Variants in TAFA2 observed in about 807,000 individuals in gnomAD.
TAFA2 encodes TAFA chemokine like family member 2, also known as chemokine-like protein TAFA-2.
In TAFA2, 7 loss-of-function variants were observed where a neutral mutation model predicts 18.8. The ratio of observed to expected loss-of-function variants is 0.37; its 90% CI spans 0.21 to 0.70. TAFA2 has a LOEUF of 0.70. TAFA2 is among the 30% of genes least tolerant of loss of function. The pLI is 0.53. For synonymous variants in TAFA2, 60 were observed against 54.2 expected (o/e 1.11, Z -0.47); for missense variants, 122 against 158.1 (o/e 0.77, Z 1.23).
chr12:62,239,506 C>A (rs561529882), intron 1 of TAFA2, among the ~76,000 whole-genome samples: 1 of 152,114 alleles, frequency 6.6e-6, no homozygotes, highest in Non-Finnish European at 1.5e-5. Flanking sequence ...TTTTGGTGGA[C>A]AATTGTGACT....
chr12:61,980,173 C>T (rs1339604363), intron 1 of TAFA2, among the ~76,000 whole-genome samples: 4 of 152,024 alleles, frequency 2.6e-5, no homozygotes, highest in African/African-American at 9.7e-5. Flanking sequence ...AAACATAATC[C>T]ATCACATAAA....
intron 2 of TAFA2, among the ~76,000 whole-genome samples, chr12:61,803,542 A>C (rs765320383): frequency 3.9e-5 from 6 of 151,946 alleles, no homozygotes; most frequent in Non-Finnish European, 7.4e-5. Context: ...TGTACAGCTT[A>C]TGGATTAAAA....
chr12:62,003,774 G>A (rs1121705), intron 1 of TAFA2, among the ~76,000 whole-genome samples: 19,859 of 152,164 alleles, frequency 0.13, 1,573 homozygotes, highest in African/African-American at 0.21. Context: ...ATGAGCAATG[G>A]CTAGTATATA....
intron 2 of TAFA2, among the ~76,000 whole-genome samples, chr12:61,842,120 T>C (rs1873211858): frequency 6.6e-6 from 1 of 151,948 alleles, no homozygotes; most frequent in Non-Finnish European, 1.5e-5. Flanking sequence ...CAAAGCGGTA[T>C]AGAAAACAGC....
intron 1 of TAFA2, among the ~76,000 whole-genome samples, chr12:62,144,855 C>A (rs1286035150): frequency 6.6e-6 from 1 of 152,126 alleles, no homozygotes; most frequent in Admixed American, 6.5e-5. Context: ...AGAAATCGGT[C>A]TAGTAGTTAT....
intron 1 of TAFA2, among the ~76,000 whole-genome samples, chr12:61,962,492 C>T (rs1009112031): frequency 6.6e-6 from 1 of 151,860 alleles, no homozygotes; most frequent in Non-Finnish European, 1.5e-5. Flanking sequence ...TCATTAATAC[C>T]TGCAGTCTAT....
chr12:61,831,188 A>G (rs999732067), intron 2 of TAFA2, among the ~76,000 whole-genome samples: 1 of 152,038 alleles, frequency 6.6e-6, no homozygotes, highest in East Asian at 1.9e-4. Context: ...CCTTAGCTCA[A>G]TGCTTGGTAT....
intron 2 of TAFA2, among the ~76,000 whole-genome samples, chr12:61,759,300 C>A (rs1869424872): frequency 6.6e-6 from 1 of 151,984 alleles, no homozygotes; most frequent in Non-Finnish European, 1.5e-5. Flanking sequence ...TTCACCACTC[C>A]ATTTAATTTA....
chr12:62,055,811 A>G (rs929034406), intron 1 of TAFA2, among the ~76,000 whole-genome samples: 33 of 152,220 alleles, frequency 2.2e-4, no homozygotes, highest in African/African-American at 7.5e-4. Context: ...CATCATATCT[A>G]TAATAAAAGT....
At chr12:61,898,724 G>A (rs1875966339) in intron 1 of TAFA2, among the ~76,000 whole-genome samples, 1 of 152,164 alleles carries the variant, frequency 6.6e-6, no homozygotes, top group South Asian at 2.1e-4. Flanking sequence ...GGGCCTGCAG[G>A]GAAGGTCTCT....
At chr12:62,150,835 G>A (rs1256195542) in intron 1 of TAFA2, among the ~76,000 whole-genome samples, 2 of 151,794 alleles carry the variant, frequency 1.3e-5, no homozygotes, top group Admixed American at 6.6e-5. Flanking sequence ...GAACCCAGGA[G>A]ACGGAGGTTG....
At chr12:62,075,480 C>T (rs1425394995) in intron 1 of TAFA2, among the ~76,000 whole-genome samples, 1 of 152,198 alleles carries the variant, frequency 6.6e-6, no homozygotes, top group Non-Finnish European at 1.5e-5. Flanking sequence ...ATGGAAATCA[C>T]TGGACCCAGA....
intron 2 of TAFA2, among the ~76,000 whole-genome samples, chr12:61,760,256 G>GA (rs1456562247): frequency 6.6e-6 from 1 of 150,656 alleles, no homozygotes; most frequent in East Asian, 2.0e-4. Context: ...ATAGATGATA[G>GA]ATACAGATAG....
chr12:61,818,235 T>A (rs542907256), intron 2 of TAFA2, among the ~76,000 whole-genome samples: 4 of 152,274 alleles, frequency 2.6e-5, no homozygotes, highest in Admixed American at 6.5e-5. Flanking sequence ...TTTTTCTTTA[T>A]CAAATAGAAT....
chr12:62,118,807 T>C (rs1870072212), intron 1 of TAFA2, among the ~76,000 whole-genome samples: 1 of 152,174 alleles, frequency 6.6e-6, no homozygotes, highest in Non-Finnish European at 1.5e-5. Context: ...TTGCTACTTT[T>C]CTTACTGATT....
chr12:61,852,062 C>T (rs1873692480), intron 2 of TAFA2, among the ~76,000 whole-genome samples: 1 of 151,746 alleles, frequency 6.6e-6, no homozygotes, highest in Non-Finnish European at 1.5e-5. Context: ...ACAAAATTAG[C>T]CTGGCGTTGT....
intron 1 of TAFA2, among the ~76,000 whole-genome samples, chr12:61,903,749 GT>G (rs1006039512): frequency 3.3e-4 from 50 of 152,212 alleles, no homozygotes; most frequent in African/African-American, 1.2e-3. Context: ...AAATTCTACA[GT>G]TTTTTTGTAT....
At chr12:61,799,837 A>T (rs1871337702) in intron 2 of TAFA2, among the ~76,000 whole-genome samples, 1 of 152,184 alleles carries the variant, frequency 6.6e-6, no homozygotes, top group Non-Finnish European at 1.5e-5. Context: ...AAAATAAAAT[A>T]AAATAAAAAA....
intron 1 of TAFA2, among the ~76,000 whole-genome samples, chr12:62,188,868 T>G (rs1300951423): frequency 6.6e-6 from 1 of 152,172 alleles, no homozygotes. Context: ...TATAACTTGG[T>G]GGTTAGTAAA....
Sources: allele counts gnomAD v4.1 joint callset (sites outside exome capture counted in the v4.1 genomes callset), GRCh38; gene constraint gnomAD v4.1.1; transcripts MANE v1.5; gene names NCBI Gene and HGNC (gene_info 2026-07-23, HGNC 2026-07-21).